COL5A3: variants seen among roughly 807,000 people sequenced by gnomAD.
COL5A3 encodes the protein collagen type V alpha 3 chain.
In COL5A3, 172 loss-of-function variants were observed where a neutral mutation model predicts 250.0. The observed-to-expected ratio is 0.69, with a 90% CI of 0.61 to 0.78. The LOEUF is 0.78. COL5A3 is among the 30% of genes least tolerant of loss of function. The probability of loss-of-function intolerance (pLI) is 0.00; values close to 1 mark genes in which losing one functional copy is unlikely to be tolerated. For synonymous variants in COL5A3, 937 were observed against 900.4 expected (o/e 1.04, Z -0.73); for missense variants, 2,340 against 2,334.4 (o/e 1.00, Z -0.05).
chr19:9,979,510 G>T (rs2086973469), intron 37 of COL5A3, 93 bp from the exon 38 acceptor site: 1 of 1,399,610 alleles, frequency 7.1e-7, no homozygotes, highest in South Asian at 1.2e-5. Context: ...CAGGAATCTG[G>T]CCGGTCCGGT....
intron 54 of COL5A3, among the ~76,000 whole-genome samples, 153 bp from the exon 55 acceptor site, chr19:9,970,075 T>TA (rs1568406982): frequency 6.2e-5 from 2 of 32,262 alleles, no homozygotes; most frequent in Non-Finnish European, 5.7e-5. Flanking sequence ...GTGGGGGCTG[T>TA]GGGTGAGTGG....
intron 24 of COL5A3, among the ~76,000 whole-genome samples, chr19:9,990,031 C>T (rs1233701875): frequency 2.0e-5 from 3 of 151,294 alleles, no homozygotes; most frequent in Non-Finnish European, 2.9e-5. Flanking sequence ...AGATTACAGG[C>T]GTGAGCCACT....
At chr19:9,963,964 T>C (rs1296496196) in intron 64 of COL5A3, among the ~76,000 whole-genome samples, 1 of 151,828 alleles carries the variant, frequency 6.6e-6, no homozygotes, top group Non-Finnish European at 1.5e-5. Flanking sequence ...AGGCCATGAG[T>C]TTGAGACCAG....
chr19:9,987,957 G>A (rs879783507), intron 27 of COL5A3, among the ~76,000 whole-genome samples: 3 of 152,070 alleles, frequency 2.0e-5, no homozygotes, highest in Admixed American at 1.3e-4. Context: ...ATTTAGGGCC[G>A]GGTGTGGTGG....
At position 9,979,346 on chromosome 19, in the gene COL5A3, T is replaced by C. The variant is rs765861400; in HGVS notation, c.2766+18A>G. On this transcript the variant is annotated intron_variant, in intron 38 of 66. Transcript: ENST00000264828. ...CAACTGGTACAAAACAAGGGAGGTTTATGGAGTCCACTCTGACCTGAGGGC... is the reference window on the plus strand; with the variant it reads ...CAACTGGTACAAAACAAGGGAGGTTCATGGAGTCCACTCTGACCTGAGGGC... 6.2e-7 allele frequency: 1 copy of C among 1,614,004 alleles called. No individual in the cohort carries two copies. The highest frequency in any genetic ancestry group is 8.5e-7 in the Non-Finnish European group (1 of 1,179,928).
chr19:9,986,236 T>C (rs1475732984), intron 30 of COL5A3, 79 bp downstream of exon 30: 3 of 1,011,506 alleles, frequency 3.0e-6, no homozygotes, highest in Non-Finnish European at 4.4e-6. Flanking sequence ...GTCGAAGGTA[T>C]AATAAAAGGG....
intron 40 of COL5A3, 62 bp from the exon 41 acceptor site, chr19:9,978,689 C>T (rs2086960184): frequency 8.2e-7 from 1 of 1,220,684 alleles, no homozygotes; most frequent in Non-Finnish European, 1.1e-6. Flanking sequence ...TCCTGTCTTC[C>T]TCTGTGGGGA....
At chr19:10,008,512 G>A (rs1033050959) in intron 1 of COL5A3, among the ~76,000 whole-genome samples, 15 of 152,154 alleles carry the variant, frequency 9.9e-5, no homozygotes, top group Non-Finnish European at 1.3e-4. Flanking sequence ...GGGCCCCCAC[G>A]GGGATGTTGG....
chr19:9,980,749 G>T, intron 34 of COL5A3, 57 bp from the exon 35 acceptor site: 1 of 1,614,068 alleles, frequency 6.2e-7, no homozygotes. Context: ...GGAAGAATTT[G>T]GAGGGACTGG....
rs112762439 is a variant in COL5A3, at chr19:9,979,761, A to G, written c.2712+78T>C. ...AGATTGCCCCACTGCACTCTAGCCC[A>G]GGTGACAGAGTGAGACTCTGTCTCA... On this transcript the variant is annotated intron_variant, in intron 37 of 66. Transcript: ENST00000264828. The G allele has an allele frequency of 7.6e-3, 10,159 of 1,334,798 alleles. 299 individuals carry two copies. The highest frequency in any genetic ancestry group is 0.074 in the East Asian group (3,249 of 43,616). 82.7% of individuals were successfully genotyped at this position (1,334,798 alleles called of 1,614,324 possible).
At chr19:9,964,097 G>A (rs1326672149) in intron 64 of COL5A3, among the ~76,000 whole-genome samples, 16 of 152,094 alleles carry the variant, frequency 1.1e-4, no homozygotes, top group Non-Finnish European at 4.4e-5. Context: ...TGCTTGAACT[G>A]GGGAGGTGGA....
At chr19:10,006,931 A>G (rs1243284178) in intron 1 of COL5A3, among the ~76,000 whole-genome samples, 1 of 147,582 alleles carries the variant, frequency 6.8e-6, no homozygotes, top group African/African-American at 2.5e-5. Context: ...TTCACCTCTA[A>G]CCTCTTCCCT....
chr19:9,964,467 T>G (rs1038606707), intron 64 of COL5A3, among the ~76,000 whole-genome samples: 2 of 151,892 alleles, frequency 1.3e-5, no homozygotes, highest in Non-Finnish European at 2.9e-5. Context: ...CCAGGCATGG[T>G]GATGCACACC....
At chr19:9,979,265 A>G (rs756907852) in intron 38 of COL5A3, 26 bp from the exon 39 acceptor site, 2 of 1,603,858 alleles carry the variant, frequency 1.2e-6, no homozygotes, top group Non-Finnish European at 1.7e-6. Context: ...GCTCCTGTTG[A>G]GTGGGGGTGG....
rs1323161710 is a variant in COL5A3, at chr19:10,006,145, G to T, written c.175C>A (p.Pro59Thr). 6.2e-7 allele frequency: 1 copy of T among 1,612,590 alleles called. No homozygotes were observed. ...ATTCTGAATGCCCGGTCACCCTCTG[G>T]AGTCCTCTGGGGACAGAAGCCAGGC... ...EGPGFCPQRTPEGDRAFRIGQ... is the reference protein window; with the variant it reads ...EGPGFCPQRTTEGDRAFRIGQ... Residue 59 changes from proline to threonine, a missense_variant, in exon 2 of 67, where the codon CCA (proline) becomes ACA (threonine). This residue lies in a region of COL5A3 where 1,152 missense variants were observed against 1,146.3 expected (regional missense o/e 1.00). Coordinates refer to ENST00000264828, the MANE Select transcript of COL5A3 (RefSeq NM_015719.4).
chr19:9,979,950 C>G, intron 36 of COL5A3, 44 bp downstream of exon 36: 1 of 1,576,398 alleles, frequency 6.3e-7, no homozygotes. Context: ...TCCCTTCCCA[C>G]ATCCTCCACC....
chr19:9,969,422 T>C lies in COL5A3; in HGVS notation c.4099-20A>G. The stretch of plus-strand genomic sequence containing the variant: ...TTCACCCTGAGAATGGAACAGAACA[T>C]GGGGTGGGCTGCACCCTGTCAGAAC... On this transcript the variant is annotated intron_variant, in intron 56 of 66. Coordinates refer to ENST00000264828, the MANE Select transcript of COL5A3 (RefSeq NM_015719.4). 6.2e-7 allele frequency: 1 copy of C among 1,606,098 alleles called. No homozygotes were observed.
At chr19:10,007,120 A>C (rs1599233700) in intron 1 of COL5A3, among the ~76,000 whole-genome samples, 4 of 109,094 alleles carry the variant, frequency 3.7e-5, no homozygotes, top group Admixed American at 1.9e-4. Flanking sequence ...CTCCCCTATG[A>C]CCTCCTCCCT....
At chr19:10,003,818 C>A in intron 5 of COL5A3, 104 bp from the exon 6 acceptor site, 4 of 1,466,444 alleles carry the variant, frequency 2.7e-6, no homozygotes, top group Non-Finnish European at 3.7e-6. Flanking sequence ...GGTCCTCACT[C>A]AGCCCTGTGA....
Sources: gnomAD v4.1 joint callset for allele counts (sites outside exome capture counted in the v4.1 genomes callset) on GRCh38, gnomAD v4.1.1 for gene constraint, gnomAD v4.1.1 regional missense constraint, MANE v1.5 for transcripts, NCBI Gene and HGNC (gene_info 2026-07-23, HGNC 2026-07-21) for gene names.